Variants in HACD2 observed in about 807,000 individuals in gnomAD.
HACD2 encodes the protein very-long-chain (3R)-3-hydroxyacyl-CoA dehydratase 2.
HACD2 carries 15 observed loss-of-function variants against 31.0 expected under a neutral mutation model. The observed-to-expected ratio is 0.48, with a 90% confidence interval of 0.32 to 0.75. The LOEUF is 0.75. Among genes scored for constraint, HACD2 ranks in the 30% least tolerant of loss-of-function variants. The pLI is 0.03. For synonymous variants in HACD2, 115 were observed against 122.2 expected (o/e 0.94, Z 0.39); for missense variants, 283 against 313.0 (o/e 0.90, Z 0.72).
intron 3 of HACD2, among the ~76,000 whole-genome samples, chr3:123,551,298 G>A (rs904278572): frequency 1.9e-4 from 29 of 152,164 alleles, no homozygotes; most frequent in Admixed American, 2.6e-4. Context: ...TCAGTGCCAC[G>A]CCTGCCACCC....
intron 3 of HACD2, among the ~76,000 whole-genome samples, chr3:123,533,284 G>C (rs1576757025): frequency 1.3e-5 from 2 of 152,196 alleles, no homozygotes; most frequent in Admixed American, 1.3e-4. Context: ...AAGTAGCTGG[G>C]ACAACAGGCA....
chr3:123,523,254 G>A (rs115533078), intron 4 of HACD2, among the ~76,000 whole-genome samples: 2,340 of 152,276 alleles, frequency 0.015, 64 homozygotes, highest in African/African-American at 0.052. Flanking sequence ...AGAGTTGAAC[G>A]GAAGAGGGAA....
rs1242400319 is a variant in HACD2, at chr3:123,494,412, G to A, written c.*476C>T. The A allele has an allele frequency of 3.4e-5, 6 of 178,262 alleles. No homozygotes were observed. The highest frequency in any genetic ancestry group is 1.4e-4 in the South Asian group (1 of 7,230). 11.0% of individuals were successfully genotyped at this position (178,262 alleles called of 1,614,324 possible). ...AGCATTCCAGAGAACAGAGTTTGCC[G>A]CTTCAAAAATACAAAGTTTCCAGCA... On this transcript the variant is annotated 3_prime_UTR_variant, in exon 7 of 7. Coordinates refer to ENST00000383657, the MANE Select transcript of HACD2 (RefSeq NM_198402.5).
At position 123,494,606 on chromosome 3, in the gene HACD2, A is replaced by T; in HGVS notation, c.*282T>A. The T allele has an allele frequency of 2.3e-6, 1 of 442,594 alleles. No homozygotes were observed. Among genetic ancestry groups the T allele is most frequent in the East Asian group, 4.8e-5 (1 of 20,648 alleles). 27.4% of individuals were successfully genotyped at this position (442,594 alleles called of 1,614,324 possible). A position where few individuals can be genotyped will look rare whatever the true frequency, so the allele number is the denominator to read the frequency against. On this transcript the variant is annotated 3_prime_UTR_variant, in exon 7 of 7. Coordinates refer to ENST00000383657, the MANE Select transcript of HACD2 (RefSeq NM_198402.5). ...TCAGATACATGAAGGACACAGAAGG[A>T]CATAAAATGCCAAATCCCTTTCTAG... is the stretch of plus-strand genomic sequence containing the variant.
chr3:123,574,438 C>A (rs1164136002), intron 2 of HACD2, among the ~76,000 whole-genome samples: 2 of 151,926 alleles, frequency 1.3e-5, no homozygotes, highest in African/African-American at 4.8e-5. Flanking sequence ...TTAATCAGTC[C>A]ATTTGTATAA....
At chr3:123,554,987 C>T (rs79346155) in intron 3 of HACD2, among the ~76,000 whole-genome samples, 3,745 of 152,094 alleles carry the variant, frequency 0.025, 67 homozygotes, top group Middle Eastern at 0.089. Flanking sequence ...AAATTAGAAA[C>T]ACATTAATAC....
intron 4 of HACD2, among the ~76,000 whole-genome samples, chr3:123,518,995 T>TAA (rs67571643): frequency 2.1e-3 from 91 of 42,492 alleles, no homozygotes; most frequent in Non-Finnish European, 2.8e-3. Flanking sequence ...AGACTCCAAC[T>TAA]AAAAAAAAAA....
chr3:123,525,806 G>A (rs551197784), intron 4 of HACD2, among the ~76,000 whole-genome samples: 34 of 152,298 alleles, frequency 2.2e-4, no homozygotes, highest in Non-Finnish European at 4.4e-4. Context: ...ATGTGATTAA[G>A]CAGTTATTTC....
intron 3 of HACD2, among the ~76,000 whole-genome samples, chr3:123,542,109 T>C (rs1415567565): frequency 8.9e-6 from 1 of 112,684 alleles, no homozygotes; most frequent in Non-Finnish European, 1.6e-5. Context: ...ATCCCGCCAC[T>C]GCACTCCAGC....
chr3:123,528,887 C>A (rs2056317200), intron 3 of HACD2, among the ~76,000 whole-genome samples: 1 of 152,076 alleles, frequency 6.6e-6, no homozygotes, highest in South Asian at 2.1e-4. Context: ...CTAATGAGTG[C>A]TGGAAGCTCA....
At chr3:123,562,803 T>C (rs2107742570) in intron 3 of HACD2, among the ~76,000 whole-genome samples, 1 of 152,310 alleles carries the variant, frequency 6.6e-6, no homozygotes, top group Non-Finnish European at 1.5e-5. Flanking sequence ...ACTAAAGGTA[T>C]CTCAAGGCTT....
At chr3:123,575,189 A>G (rs1286310303) in intron 2 of HACD2, among the ~76,000 whole-genome samples, 1 of 151,396 alleles carries the variant, frequency 6.6e-6, no homozygotes, top group Non-Finnish European at 1.5e-5. Context: ...AACTTACTTC[A>G]GCCTGAAACT....
chr3:123,508,936 A>T (rs2056013940), intron 4 of HACD2, among the ~76,000 whole-genome samples: 1 of 152,136 alleles, frequency 6.6e-6, no homozygotes, highest in African/African-American at 2.4e-5. Flanking sequence ...TTCACATGGT[A>T]TCTTTTTTCA....
At chr3:123,540,580 G>C (rs538873040) in intron 3 of HACD2, among the ~76,000 whole-genome samples, 2 of 152,338 alleles carry the variant, frequency 1.3e-5, no homozygotes, top group South Asian at 4.1e-4. Context: ...TGAGTCAATT[G>C]TAAGTCATGG....
At chr3:123,581,245 TGAA>T (rs1371053623) in intron 2 of HACD2, among the ~76,000 whole-genome samples, 1 of 152,248 alleles carries the variant, frequency 6.6e-6, no homozygotes, top group Admixed American at 6.5e-5. Flanking sequence ...CCCTGCAATC[TGAA>T]GGTTTTTCAC....
intron 3 of HACD2, among the ~76,000 whole-genome samples, chr3:123,554,155 A>AT (rs1485749939): frequency 1.2e-3 from 1 of 806 alleles, no homozygotes; most frequent in African/African-American, 8.9e-3. Flanking sequence ...TATAAATGTT[A>AT]TATGTTCTGA....
intron 3 of HACD2, among the ~76,000 whole-genome samples, chr3:123,563,642 T>TACACACAC (rs765094189): frequency 1.0e-4 from 11 of 105,180 alleles, no homozygotes; most frequent in Admixed American, 3.3e-4. Flanking sequence ...AAAAAATATA[T>TACACACAC]ATACACACAC....
At chr3:123,575,387 G>T (rs929633999) in intron 2 of HACD2, among the ~76,000 whole-genome samples, 4 of 152,122 alleles carry the variant, frequency 2.6e-5, no homozygotes, top group Admixed American at 6.5e-5. Flanking sequence ...AAAGTGCTGG[G>T]ATTACAGGTG....
At chr3:123,522,485 T>C (rs1008059264) in intron 4 of HACD2, among the ~76,000 whole-genome samples, 19 of 151,656 alleles carry the variant, frequency 1.3e-4, no homozygotes, top group Non-Finnish European at 7.4e-5. Context: ...GAGAGAAAAA[T>C]AGACATTCTG....
Sources: allele counts gnomAD v4.1 joint callset (sites outside exome capture counted in the v4.1 genomes callset), GRCh38; gene constraint gnomAD v4.1.1; transcripts MANE v1.5; gene names NCBI Gene and HGNC (gene_info 2026-07-23, HGNC 2026-07-21).